PXK: variants seen among roughly 807,000 people sequenced by gnomAD.
PXK encodes PX domain-containing protein kinase-like protein.
In PXK, 35 loss-of-function variants were observed where a neutral mutation model predicts 84.7. The observed-to-expected ratio is 0.41, with a 90% CI of 0.32 to 0.55. The LOEUF is 0.55. Ranked by LOEUF, PXK falls within the 20% of genes least tolerant of loss-of-function variation. PXK has a pLI of 0.21. For missense variants in PXK, 634 were observed against 699.7 expected, an observed-to-expected ratio of 0.91 and a Z score of 1.06; for synonymous variants, 253 against 260.8, an observed-to-expected ratio of 0.97 and a Z score of 0.29.
intron 17 of PXK, chr3:58,422,986 C>G (rs994835412): frequency 2.0e-6 from 2 of 985,248 alleles, no homozygotes; most frequent in African/African-American, 3.5e-5. Flanking sequence ...TTCCACTGCC[C>G]TTTTCTGGCT....
chr3:58,369,408 A>G, intron 2 of PXK, 23 bp from the exon 3 acceptor site: 1 of 1,590,214 alleles, frequency 6.3e-7, no homozygotes, highest in South Asian at 1.1e-5. Context: ...CTGAATCAAA[A>G]CACTACTTCT....
In PXK at chr3:58,336,068, TATA is replaced by T. The variant is rs1399676280; in HGVS notation, c.102+2979_102+2981del. 6.0e-3 allele frequency among the ~76,000 whole-genome samples: 357 copies of T among 59,388 alleles called. 5 individuals carry two copies. Among genetic ancestry groups the T allele is most frequent in the African/African-American group, 0.035 (306 of 8,718 alleles). The allele number at this position is 59,388 out of a possible 152,430, so 39.0% of individuals were successfully genotyped here. On this transcript the variant is annotated intron_variant, in intron 1 of 17. Transcript: ENST00000356151. ...ATATATATATATATATATATATATA[TATA>T]TTTTTTTTTTTTTTTTTTAATACCA...
At chr3:58,405,505 C>T (rs2059252932) in intron 13 of PXK, among the ~76,000 whole-genome samples, 1 of 151,986 alleles carries the variant, frequency 6.6e-6, no homozygotes, top group South Asian at 2.1e-4. Flanking sequence ...ATGGCAAAAC[C>T]CCATCTCTAC....
At position 58,383,905 on chromosome 3, in the gene PXK, TTTTA is replaced by T. The variant is rs763386021; in HGVS notation, c.388+1216_388+1219del. ...GGCATTTTTATTCCTATTTTATTCC[TTTTA>T]TTTATTTATTCATACCCATTCATTC... is the stretch of plus-strand genomic sequence containing the variant. On this transcript the variant is annotated intron_variant, in intron 4 of 17. Coordinates refer to ENST00000356151, the MANE Select transcript of PXK (RefSeq NM_017771.5). This position sits in a 1 kb window ranked among gnomAD's most constrained non-coding sequence, Gnocchi z 4.0. Among the ~76,000 whole-genome samples the T allele has an allele frequency of 6.6e-6, 1 of 152,366 alleles. No homozygotes were observed. Among genetic ancestry groups the T allele is most frequent in the South Asian group, 2.1e-4 (1 of 4,826 alleles).
rs973993782 is a variant in PXK, at chr3:58,333,962, T to G, written c.102+872T>G. Among the ~76,000 whole-genome samples, 6 of 151,974 alleles carry G rather than the reference T, an allele frequency of 3.9e-5. No individual in the cohort carries two copies. ...CAGCAAGAAACCTGGAGCTATCAGC[T>G]AGTGGGACTTTTTTGGAAAAGTAAT... On this transcript the variant is annotated intron_variant, in intron 1 of 17. Transcript: ENST00000356151. The surrounding 1 kb of genome is among the most constrained non-coding windows in gnomAD (Gnocchi z 5.4).
At chr3:58,378,428 C>T (rs1240508024) in intron 3 of PXK, among the ~76,000 whole-genome samples, 2 of 151,344 alleles carry the variant, frequency 1.3e-5, no homozygotes, top group African/African-American at 4.9e-5. Flanking sequence ...TCACCAGACT[C>T]CTACAGGACT....
intron 17 of PXK, among the ~76,000 whole-genome samples, chr3:58,418,924 G>A (rs2061401440): frequency 6.6e-6 from 1 of 152,082 alleles, no homozygotes; most frequent in South Asian, 2.1e-4. Context: ...TAAGAGAAAA[G>A]GCATACAAGT....
In PXK at chr3:58,416,090, A is replaced by G. The variant is rs915187980; in HGVS notation, c.1528+3127A>G. On this transcript the variant is annotated intron_variant, in intron 17 of 17. Coordinates refer to ENST00000356151, the MANE Select transcript of PXK (RefSeq NM_017771.5). The surrounding 1 kb of genome is among the most constrained non-coding windows in gnomAD (Gnocchi z 4.8). ...GGACGGTGGGATTGATAATAGGTAC[A>G]GTTTAGTCTTCTTTTCCTCCTAATC... 3.3e-5 allele frequency among the ~76,000 whole-genome samples: 5 copies of G among 152,194 alleles called. No individual in the cohort carries two copies. The highest frequency in any genetic ancestry group is 1.2e-4 in the African/African-American group (5 of 41,454).
At position 58,411,372 on chromosome 3, in the gene PXK, A is replaced by C. The variant is rs2107601005; in HGVS notation, c.1465+1213A>C. Among the ~76,000 whole-genome samples the C allele has an allele frequency of 6.6e-6, 1 of 152,326 alleles. No homozygotes were observed. The highest frequency in any genetic ancestry group is 1.5e-5 in the Non-Finnish European group (1 of 68,020). On this transcript the variant is annotated intron_variant, in intron 16 of 17. Coordinates refer to ENST00000356151, the MANE Select transcript of PXK (RefSeq NM_017771.5). The surrounding 1 kb of genome is among the most constrained non-coding windows in gnomAD (Gnocchi z 4.2). ...GTCCAGACTGGAGAAGGGCTCAGGA[A>C]GAGCTGCAAAGGAGAGGAAGGAGGG... is the stretch of plus-strand genomic sequence containing the variant.
At chr3:58,340,426 A>G (rs1163571632) in intron 1 of PXK, among the ~76,000 whole-genome samples, 1 of 149,420 alleles carries the variant, frequency 6.7e-6, no homozygotes, top group African/African-American at 2.4e-5. Context: ...CCAAGCCTAG[A>G]TTGTTGATCG....
intron 1 of PXK, among the ~76,000 whole-genome samples, chr3:58,335,115 G>A (rs1242279771): frequency 1.3e-5 from 2 of 151,534 alleles, no homozygotes; most frequent in African/African-American, 2.4e-5. Flanking sequence ...GGCTCAGGCC[G>A]TTCTCCTGCC....
intron 1 of PXK, among the ~76,000 whole-genome samples, chr3:58,363,599 G>A (rs2098224619): frequency 6.6e-6 from 1 of 152,204 alleles, no homozygotes; most frequent in African/African-American, 2.4e-5. Context: ...TGAGATTACA[G>A]GCATGAGCCG....
rs529108442 is a variant in PXK, at chr3:58,383,577, A to G, written c.388+877A>G. Among the ~76,000 whole-genome samples, 387 of 152,324 alleles carry G rather than the reference A, an allele frequency of 2.5e-3. No homozygotes were observed. The highest frequency in any genetic ancestry group is 3.6e-3 in the Non-Finnish European group (248 of 68,030). On this transcript the variant is annotated intron_variant, in intron 4 of 17. Coordinates refer to ENST00000356151, the MANE Select transcript of PXK (RefSeq NM_017771.5). The surrounding 1 kb of genome is among the most constrained non-coding windows in gnomAD (Gnocchi z 4.0). Reference sequence around the variant, plus strand: ...TTCTCTTCCAAATCTTTCCTGGATCAGGGCAGCCGCCAAGGTACTGTGGTT... The same window carrying G: ...TTCTCTTCCAAATCTTTCCTGGATCGGGGCAGCCGCCAAGGTACTGTGGTT...
chr3:58,374,580 T>C (rs534766642), intron 3 of PXK, among the ~76,000 whole-genome samples: 2 of 152,232 alleles, frequency 1.3e-5, no homozygotes, highest in South Asian at 2.1e-4. Flanking sequence ...AGGGAATCCA[T>C]AGGGCATGTT....
chr3:58,347,425 C>CTTTCTG (rs1288619467), intron 1 of PXK, among the ~76,000 whole-genome samples: 1 of 152,196 alleles, frequency 6.6e-6, no homozygotes, highest in African/African-American at 2.4e-5. Context: ...TACTGATCTG[C>CTTTCTG]TTTCTGTTAC....
chr3:58,384,995 T>G (rs1237840293), intron 4 of PXK, among the ~76,000 whole-genome samples: 1 of 152,126 alleles, frequency 6.6e-6, no homozygotes. Flanking sequence ...TTGTGTGACT[T>G]TAGTCTGGTC....
chr3:58,369,565 C>T (rs2108508059), intron 3 of PXK, 87 bp downstream of exon 3: 1 of 1,046,164 alleles, frequency 9.6e-7, no homozygotes, highest in East Asian at 2.4e-5. Flanking sequence ...TGGCTCAACG[C>T]CTGTAATCCC....
At chr3:58,337,878 A>G (rs1447295771) in intron 1 of PXK, among the ~76,000 whole-genome samples, 2 of 152,132 alleles carry the variant, frequency 1.3e-5, no homozygotes, top group Admixed American at 1.3e-4. Context: ...TTTAAACTTT[A>G]TTTATTTATC....
chr3:58,334,750 GT>G (rs1382662502), intron 1 of PXK, among the ~76,000 whole-genome samples: 2 of 152,028 alleles, frequency 1.3e-5, no homozygotes, highest in Non-Finnish European at 2.9e-5. Context: ...TCATTCCCTG[GT>G]TTTTGATAGG....
Sources: allele counts gnomAD v4.1 joint callset (sites outside exome capture counted in the v4.1 genomes callset), GRCh38; gene constraint gnomAD v4.1.1; non-coding constraint Gnocchi (gnomAD v3.1); transcripts MANE v1.5; gene names NCBI Gene and HGNC (gene_info 2026-07-23, HGNC 2026-07-21).